AGBL4: variants seen among roughly 807,000 people sequenced by gnomAD.
AGBL4 encodes the protein cytosolic carboxypeptidase 6.
In AGBL4, 58 loss-of-function variants were observed where a neutral mutation model predicts 66.4. That is an observed-to-expected ratio of 0.87 (90% CI 0.71 to 1.09). AGBL4 has a LOEUF of 1.09. AGBL4 is among the 50% of genes least tolerant of loss of function. AGBL4 has a pLI of 0.00. For synonymous variants in AGBL4, 234 were observed against 222.9 expected (o/e 1.05, Z -0.44); for missense variants, 579 against 631.0 (o/e 0.92, Z 0.88).
Position 49,681,020 on chromosome 1 carries a change from T to C in AGBL4, c.282+16293A>G, listed in dbSNP as rs1229590198. 2.6e-5 allele frequency among the ~76,000 whole-genome samples: 4 copies of C among 152,146 alleles called. No individual in the cohort carries two copies. In the East Asian group the frequency reaches 7.7e-4, roughly 29 times the overall value. On this transcript the variant is annotated intron_variant, in intron 3 of 13. Transcript: ENST00000371839. ...TTCTATTGAGCACATTCACTGAGTT[T>C]TTCTTTCATTTATTGTATTTTCCAG...
chr1:48,619,876 C>T lies in AGBL4; in HGVS notation c.951+14617G>A, dbSNP rs371274094. ...CAGCCTCTGTGAGAGAAGCCCCGCC[C>T]CAAGCCTCTCCTGGTGTCTGGAATC... On this transcript the variant is annotated intron_variant, in intron 9 of 13. Transcript: ENST00000371839. Among the ~76,000 whole-genome samples the T allele has an allele frequency of 1.4e-3, 214 of 152,310 alleles. 3 individuals are homozygous for T. In the South Asian group the frequency reaches 0.04, roughly 29 times the overall value.
At chr1:49,514,939 A>G (rs947445925) in intron 3 of AGBL4, among the ~76,000 whole-genome samples, 3 of 152,158 alleles carry the variant, frequency 2.0e-5, no homozygotes, top group African/African-American at 7.2e-5. Context: ...AAACCCTAGA[A>G]GAAAACCTAG....
At chr1:48,628,022 C>T (rs1645533536) in intron 9 of AGBL4, among the ~76,000 whole-genome samples, 1 of 152,186 alleles carries the variant, frequency 6.6e-6, no homozygotes, top group African/African-American at 2.4e-5. Context: ...ACACTGCAGC[C>T]TTAGTAATTT....
intron 4 of AGBL4, among the ~76,000 whole-genome samples, chr1:49,126,443 G>A (rs1645765626): frequency 1.3e-5 from 2 of 152,232 alleles, no homozygotes; most frequent in South Asian, 4.1e-4. Context: ...TATGGGTGAG[G>A]AAACTGAGTG....
At position 49,593,133 on chromosome 1, in the gene AGBL4, G is replaced by C. The variant is rs1644783660; in HGVS notation, c.282+104180C>G. 2.6e-5 allele frequency among the ~76,000 whole-genome samples: 4 copies of C among 152,294 alleles called. No homozygotes were observed. The South Asian group carries it at 8.3e-4, about 32-fold the overall frequency. On this transcript the variant is annotated intron_variant, in intron 3 of 13. Transcript: ENST00000371839. ...ATAATAATGGGTAATACTAGGCTGG[G>C]CGCGGTGTCTCACGCCTGTAATCCC...
chr1:48,881,676 C>T (rs956671354), intron 5 of AGBL4, among the ~76,000 whole-genome samples: 2 of 152,172 alleles, frequency 1.3e-5, no homozygotes, highest in African/African-American at 4.8e-5. Flanking sequence ...CTCCCCCCTC[C>T]ACTTTTTATC....
At chr1:49,825,752 C>A (rs1254302613) in intron 2 of AGBL4, among the ~76,000 whole-genome samples, 2 of 152,146 alleles carry the variant, frequency 1.3e-5, no homozygotes, top group African/African-American at 4.8e-5. Flanking sequence ...AACTGCAGAA[C>A]TGGCTCTTCC....
intron 5 of AGBL4, among the ~76,000 whole-genome samples, chr1:48,975,509 G>C (rs1659251048): frequency 6.6e-6 from 1 of 152,040 alleles, no homozygotes. Context: ...ACTATCTTGA[G>C]AAACACCTGC....
intron 9 of AGBL4, among the ~76,000 whole-genome samples, chr1:48,612,034 C>T (rs372702134): frequency 6.9e-4 from 105 of 152,342 alleles, no homozygotes; most frequent in Middle Eastern, 6.8e-3. Context: ...GAAGTGGGAG[C>T]TGCATATAAT....
At chr1:49,188,509 T>G (rs1647056402) in intron 4 of AGBL4, among the ~76,000 whole-genome samples, 1 of 152,210 alleles carries the variant, frequency 6.6e-6, no homozygotes, top group African/African-American at 2.4e-5. Context: ...AGACAGATTA[T>G]AGTCTAATTA....
chr1:49,657,026 G>T (rs1047403579), intron 3 of AGBL4, among the ~76,000 whole-genome samples: 2 of 152,122 alleles, frequency 1.3e-5, no homozygotes, highest in Non-Finnish European at 2.9e-5. Flanking sequence ...ACAGGAGAAA[G>T]AAATAAAGGG....
In AGBL4 at chr1:49,948,068, A is replaced by G. The variant is rs1345792107; in HGVS notation, c.34+75695T>C. 4.1e-5 allele frequency among the ~76,000 whole-genome samples: 4 copies of G among 97,764 alleles called. No individual in the cohort carries two copies. The East Asian group carries it at 1.3e-3, about 32-fold the overall frequency. The allele number at this position is 97,764 out of a possible 152,430, so 64.1% of individuals were successfully genotyped here. ...AATATATAAATATATATATGTAAATATATGTAAATATATGTAAATATATGT... is the reference window on the plus strand; with the variant it reads ...AATATATAAATATATATATGTAAATGTATGTAAATATATGTAAATATATGT... On this transcript the variant is annotated intron_variant, in intron 1 of 13. Coordinates refer to ENST00000371839, the MANE Select transcript of AGBL4 (RefSeq NM_032785.4).
chr1:49,150,898 T>C (rs1301700371), intron 4 of AGBL4, among the ~76,000 whole-genome samples: 1 of 152,144 alleles, frequency 6.6e-6, no homozygotes, highest in African/African-American at 2.4e-5. Context: ...GCTTGGCAAA[T>C]AATGAATACT....
At chr1:49,046,428 C>A (rs1344331265) in intron 4 of AGBL4, among the ~76,000 whole-genome samples, 1 of 152,150 alleles carries the variant, frequency 6.6e-6, no homozygotes, top group Non-Finnish European at 1.5e-5. Context: ...ACAGAGCATT[C>A]CATGAGACTA....
intron 9 of AGBL4, among the ~76,000 whole-genome samples, chr1:48,626,127 G>A (rs1645498563): frequency 6.6e-6 from 1 of 152,172 alleles, no homozygotes; most frequent in South Asian, 2.1e-4. Flanking sequence ...CACGTAGGTA[G>A]GAGTGGAAAA....
chr1:49,062,105 C>G (rs1644413565), intron 4 of AGBL4, among the ~76,000 whole-genome samples: 1 of 152,176 alleles, frequency 6.6e-6, no homozygotes. Flanking sequence ...GAGAATCTAA[C>G]TAATGCCTGA....
intron 2 of AGBL4, among the ~76,000 whole-genome samples, chr1:49,825,463 G>A (rs1440975589): frequency 5.3e-5 from 8 of 152,130 alleles, no homozygotes; most frequent in African/African-American, 1.2e-4. Context: ...ATTTTAAAAT[G>A]AGAAAACAGA....
chr1:49,352,597 C>T (rs564828015), intron 3 of AGBL4, among the ~76,000 whole-genome samples: 1 of 152,032 alleles, frequency 6.6e-6, no homozygotes, highest in African/African-American at 2.4e-5. Context: ...ATAATAGTGG[C>T]CAGAGACAGA....
chr1:49,991,841 T>A (rs1659966567), intron 1 of AGBL4, among the ~76,000 whole-genome samples: 9 of 152,206 alleles, frequency 5.9e-5, no homozygotes, highest in Admixed American at 5.9e-4. Flanking sequence ...TGGAGTCAAC[T>A]AGATCTGAAT....
Sources: allele counts gnomAD v4.1 joint callset (sites outside exome capture counted in the v4.1 genomes callset), GRCh38; gene constraint gnomAD v4.1.1; transcripts MANE v1.5; gene names NCBI Gene and HGNC (gene_info 2026-07-23, HGNC 2026-07-21).